The following UVRAG variants were observed in gnomAD, a reference collection of about 807,000 sequenced individuals.
UVRAG encodes UV radiation resistance associated.
Under a neutral mutation model 78.0 loss-of-function variants are expected in UVRAG, and 19 were observed. The ratio of observed to expected loss-of-function variants is 0.24; its 90% CI spans 0.17 to 0.36. UVRAG has a LOEUF of 0.36. UVRAG is among the 10% of genes least tolerant of loss of function. The pLI, the probability that UVRAG is intolerant of heterozygous loss-of-function variation, is 1.00. For missense variants in UVRAG, 740 were observed against 853.8 expected (o/e 0.87, Z 1.66); for synonymous variants, 323 against 324.6 (o/e 1.00, Z 0.05).
intron 12 of UVRAG, among the ~76,000 whole-genome samples, chr11:76,025,464 CAG>C (rs776336761): frequency 2.6e-4 from 39 of 152,206 alleles, no homozygotes; most frequent in East Asian, 5.8e-4. Flanking sequence ...GGAGGAGAAA[CAG>C]GGGGTGGTAT....
intron 3 of UVRAG, among the ~76,000 whole-genome samples, chr11:75,864,281 C>G (rs1001495333): frequency 6.6e-6 from 1 of 152,188 alleles, no homozygotes; most frequent in Non-Finnish European, 1.5e-5. Context: ...GCCTGGAACT[C>G]CTGACCTCAA....
chr11:76,138,010 A>C (rs1565176323), intron 14 of UVRAG, among the ~76,000 whole-genome samples: 1 of 152,228 alleles, frequency 6.6e-6, no homozygotes, highest in Admixed American at 6.5e-5. Context: ...TTGAGTTTTC[A>C]TACAAATCCA....
chr11:75,950,222 A>C (rs1948664585), intron 6 of UVRAG, among the ~76,000 whole-genome samples: 1 of 152,074 alleles, frequency 6.6e-6, no homozygotes, highest in Non-Finnish European at 1.5e-5. Context: ...AACACCTTAC[A>C]CAAGTTTTTT....
At chr11:76,056,501 TTAAGTCTC>T (rs1322450434) in intron 12 of UVRAG, among the ~76,000 whole-genome samples, 10 of 152,230 alleles carry the variant, frequency 6.6e-5, no homozygotes, top group Non-Finnish European at 1.3e-4. Flanking sequence ...GCTCCACATC[TTAAGTCTC>T]TTTTAATCTG....
At chr11:75,857,344 C>A (rs1026275115) in intron 2 of UVRAG, among the ~76,000 whole-genome samples, 15 of 152,200 alleles carry the variant, frequency 9.9e-5, no homozygotes, top group African/African-American at 2.4e-5. Flanking sequence ...TGTCTGTGTT[C>A]CAGCTAGCTG....
intron 8 of UVRAG, among the ~76,000 whole-genome samples, chr11:75,998,819 T>A (rs542076993): frequency 5.3e-5 from 8 of 152,358 alleles, no homozygotes; most frequent in Admixed American, 2.0e-4. Context: ...ATAGACCTCT[T>A]TTGGATATTC....
In UVRAG at chr11:75,990,030, T is replaced by C. The variant is rs190225851; in HGVS notation, c.826+6517T>C. On this transcript the variant is annotated intron_variant, in intron 8 of 14. Transcript: ENST00000356136. ...AGTTGACATTGGTGGATAAATGAGA[T>C]ATAATAGGAAACAGAAAACCTACTG... Among the ~76,000 whole-genome samples the C allele has an allele frequency of 1.4e-3, 220 of 152,352 alleles. 1 individual carries two copies. Among genetic ancestry groups the C allele is most frequent in the African/African-American group, 4.8e-3 (200 of 41,584 alleles).
intron 6 of UVRAG, among the ~76,000 whole-genome samples, chr11:75,920,579 T>C (rs1947959063): frequency 6.6e-6 from 1 of 152,022 alleles, no homozygotes; most frequent in Non-Finnish European, 1.5e-5. Flanking sequence ...ATCTTCTTCT[T>C]TAAGCCCTTT....
At chr11:75,923,174 G>A (rs1400398504) in intron 6 of UVRAG, among the ~76,000 whole-genome samples, 2 of 151,494 alleles carry the variant, frequency 1.3e-5, no homozygotes, top group African/African-American at 4.8e-5. Flanking sequence ...TAATGCTTTT[G>A]TTAGGATTGG....
chr11:75,887,361 G>T (rs1947102876), intron 4 of UVRAG, among the ~76,000 whole-genome samples: 1 of 151,242 alleles, frequency 6.6e-6, no homozygotes, highest in Non-Finnish European at 1.5e-5. Flanking sequence ...GGCCAGGCTG[G>T]TCACAAACTG....
intron 7 of UVRAG, among the ~76,000 whole-genome samples, chr11:75,967,036 A>G (rs1949036737): frequency 6.6e-6 from 1 of 152,060 alleles, no homozygotes; most frequent in African/African-American, 2.4e-5. Context: ...GTTTGCAGCC[A>G]CCCTCAGGGA....
At chr11:76,136,949 C>G (rs1183735606) in intron 14 of UVRAG, among the ~76,000 whole-genome samples, 1 of 152,024 alleles carries the variant, frequency 6.6e-6, no homozygotes, top group Non-Finnish European at 1.5e-5. Flanking sequence ...TCCTGTAAAA[C>G]TATTGTAATA....
chr11:75,880,127 C>T, intron 4 of UVRAG, 87 bp downstream of exon 4: 1 of 1,503,274 alleles, frequency 6.7e-7, no homozygotes, highest in South Asian at 1.3e-5. Flanking sequence ...TTCTGCGTTT[C>T]CTATTATAAA....
intron 3 of UVRAG, among the ~76,000 whole-genome samples, chr11:75,867,339 CT>C (rs1226494981): frequency 6.6e-6 from 1 of 152,194 alleles, no homozygotes; most frequent in Non-Finnish European, 1.5e-5. Context: ...ACTTTCCTGA[CT>C]TTTAACACCA....
At position 75,970,826 on chromosome 11, in the gene UVRAG, G is replaced by A. The variant is rs368318742; in HGVS notation, c.699+9277G>A. Among the ~76,000 whole-genome samples the A allele has an allele frequency of 6.5e-4, 99 of 151,200 alleles. 2 individuals are homozygous for A. The South Asian group carries it at 0.02, about 30-fold the overall frequency. ...TCTTCTGTTAAAACATCTTGTACTC[G>A]TGTGGTACAATTGTTATATTGATTA... On this transcript the variant is annotated intron_variant, in intron 7 of 14. Coordinates refer to ENST00000356136, the MANE Select transcript of UVRAG (RefSeq NM_003369.4).
intron 4 of UVRAG, among the ~76,000 whole-genome samples, chr11:75,887,896 A>T (rs1947124936): frequency 6.7e-6 from 1 of 148,568 alleles, no homozygotes; most frequent in Non-Finnish European, 1.5e-5. Flanking sequence ...CTTAATTTTT[A>T]AAGTTTTATT....
intron 1 of UVRAG, among the ~76,000 whole-genome samples, chr11:75,833,927 C>G (rs1945719248): frequency 6.6e-6 from 1 of 152,230 alleles, no homozygotes; most frequent in African/African-American, 2.4e-5. Context: ...CTACAACCTT[C>G]CAGCATGGGC....
intron 6 of UVRAG, among the ~76,000 whole-genome samples, chr11:75,926,191 G>A (rs543419850): frequency 1.1e-4 from 16 of 152,260 alleles, no homozygotes; most frequent in African/African-American, 3.4e-4. Context: ...TCCCCGTGGA[G>A]GAGGTCTTAA....
chr11:76,136,047 C>A (rs888167373), intron 14 of UVRAG, among the ~76,000 whole-genome samples: 7 of 152,204 alleles, frequency 4.6e-5, no homozygotes, highest in African/African-American at 1.7e-4. Context: ...ACCTCTTCAT[C>A]TAGATGAAAT....
Sources: gnomAD v4.1 joint callset for allele counts (sites outside exome capture counted in the v4.1 genomes callset) on GRCh38, gnomAD v4.1.1 for gene constraint, MANE v1.5 for transcripts, NCBI Gene and HGNC (gene_info 2026-07-23, HGNC 2026-07-21) for gene names.